The following CRYL1 variants were observed in gnomAD, a reference collection of about 807,000 sequenced individuals.
CRYL1 encodes crystallin lambda 1.
In CRYL1, 29 loss-of-function variants were observed where a neutral mutation model predicts 36.6. That is an observed-to-expected ratio of 0.79 (90% CI 0.59 to 1.08). CRYL1 has a LOEUF of 1.08. Ranked by LOEUF, CRYL1 falls within the 50% of genes least tolerant of loss-of-function variation. The pLI is 0.00. For missense variants in CRYL1, 411 were observed against 407.9 expected (o/e 1.01, Z -0.06); for synonymous variants, 152 against 151.5 (o/e 1.00, Z -0.02).
At chr13:20,461,971 AGCC>A (rs2032829645) in intron 3 of CRYL1, among the ~76,000 whole-genome samples, 1 of 106,954 alleles carries the variant, frequency 9.3e-6, no homozygotes, top group Non-Finnish European at 1.9e-5. Context: ...GTGGGAGGGC[AGCC>A]TGGGGGAGGA....
In CRYL1 at chr13:20,481,189, G is replaced by T. The variant is rs961117831; in HGVS notation, c.276+8181C>A. ...AAGGCTCGTGCTTCCAGATGATCTC[G>T]TGAGTGTGTGAGGTGGGCTTGCCCC... is the stretch of plus-strand genomic sequence containing the variant. On this transcript the variant is annotated intron_variant, in intron 3 of 7. Transcript: ENST00000298248. The surrounding 1 kb of genome is among the most constrained non-coding windows in gnomAD (Gnocchi z 4.1). Among the ~76,000 whole-genome samples, 1 of 152,154 alleles carries T rather than the reference G, an allele frequency of 6.6e-6. No homozygotes were observed. Among genetic ancestry groups the T allele is most frequent in the African/African-American group, 2.4e-5 (1 of 41,440 alleles).
intron 5 of CRYL1, among the ~76,000 whole-genome samples, chr13:20,420,242 C>T (rs1384107157): frequency 6.6e-6 from 1 of 152,212 alleles, no homozygotes; most frequent in Non-Finnish European, 1.5e-5. Context: ...CAGGAGTCAG[C>T]GCTCCGGGGA....
At chr13:20,458,213 G>A (rs2032729155) in intron 3 of CRYL1, among the ~76,000 whole-genome samples, 1 of 152,142 alleles carries the variant, frequency 6.6e-6, no homozygotes, top group African/African-American at 2.4e-5. Context: ...CACAATCATA[G>A]ACAATTCATT....
chr13:20,482,973 T>C (rs902999993), intron 3 of CRYL1, among the ~76,000 whole-genome samples: 2 of 152,118 alleles, frequency 1.3e-5, no homozygotes, highest in Non-Finnish European at 2.9e-5. Context: ...CTCACTCATG[T>C]AGGGGAGCTA....
intron 3 of CRYL1, among the ~76,000 whole-genome samples, chr13:20,440,807 G>A (rs1382030844): frequency 2.0e-5 from 3 of 152,104 alleles, no homozygotes; most frequent in Admixed American, 2.0e-4. Flanking sequence ...TACATTAATC[G>A]GGGTAGGGGA....
At chr13:20,448,705 C>A (rs376472569) in intron 3 of CRYL1, among the ~76,000 whole-genome samples, 1 of 152,104 alleles carries the variant, frequency 6.6e-6, no homozygotes, top group Admixed American at 6.6e-5. Flanking sequence ...GAATTCTATA[C>A]CCAGCAAAAA....
chr13:20,478,757 A>C (rs1420373615), intron 3 of CRYL1, among the ~76,000 whole-genome samples: 1 of 151,998 alleles, frequency 6.6e-6, no homozygotes, highest in Non-Finnish European at 1.5e-5. Context: ...GATCACAGGC[A>C]TGAGCCACCA....
intron 2 of CRYL1, among the ~76,000 whole-genome samples, chr13:20,509,771 T>C (rs1441830086): frequency 1.3e-5 from 2 of 151,898 alleles, no homozygotes; most frequent in Non-Finnish European, 2.9e-5. Context: ...CTACTAAAAA[T>C]ACAAAAAAAT....
intron 3 of CRYL1, among the ~76,000 whole-genome samples, chr13:20,450,972 A>G (rs1005163448): frequency 6.6e-6 from 1 of 151,314 alleles, no homozygotes; most frequent in Non-Finnish European, 1.5e-5. Flanking sequence ...CAGAAAACCA[A>G]ACACTGCACA....
chr13:20,406,464 G>A (rs140159241), intron 6 of CRYL1, among the ~76,000 whole-genome samples: 8 of 152,198 alleles, frequency 5.3e-5, no homozygotes, highest in African/African-American at 1.7e-4. Context: ...TGAAATTAAC[G>A]GATGGGTACT....
intron 4 of CRYL1, among the ~76,000 whole-genome samples, chr13:20,433,113 C>T (rs931133564): frequency 3.9e-5 from 6 of 152,184 alleles, no homozygotes; most frequent in African/African-American, 1.4e-4. Flanking sequence ...CTAATGTCAC[C>T]TTCCTGCTCT....
chr13:20,414,692 G>C (rs1333828087), intron 5 of CRYL1, among the ~76,000 whole-genome samples: 2 of 152,212 alleles, frequency 1.3e-5, no homozygotes, highest in Non-Finnish European at 2.9e-5. Context: ...CAAAGCAAGA[G>C]GCAAGTTGTT....
At chr13:20,456,902 C>G (rs974663870) in intron 3 of CRYL1, among the ~76,000 whole-genome samples, 4 of 152,216 alleles carry the variant, frequency 2.6e-5, no homozygotes, top group Non-Finnish European at 5.9e-5. Flanking sequence ...TACTTTGCCT[C>G]TCAGCTGCAC....
chr13:20,424,995 C>A (rs1190750670), intron 5 of CRYL1, among the ~76,000 whole-genome samples: 1 of 152,192 alleles, frequency 6.6e-6, no homozygotes, highest in African/African-American at 2.4e-5. Context: ...CCCAACTTCC[C>A]TACACACTGG....
chr13:20,431,958 A>G, intron 5 of CRYL1, 144 bp downstream of exon 5: 2 of 1,543,464 alleles, frequency 1.3e-6, no homozygotes, highest in Non-Finnish European at 1.7e-6. Context: ...TCCAGAATAG[A>G]GCAAGAAGAA....
At chr13:20,440,132 G>T (rs2032321560) in intron 3 of CRYL1, among the ~76,000 whole-genome samples, 1 of 152,220 alleles carries the variant, frequency 6.6e-6, no homozygotes, top group African/African-American at 2.4e-5. Context: ...ATGCCAGCTA[G>T]ATCGTACCCC....
intron 3 of CRYL1, among the ~76,000 whole-genome samples, chr13:20,460,718 GGTTTCACTGT>G (rs2032797885): frequency 6.6e-6 from 1 of 151,896 alleles, no homozygotes; most frequent in Admixed American, 6.6e-5. Flanking sequence ...GTAGAGATGG[GGTTTCACTGT>G]GTTAGCCAGA....
rs1446961087 is a variant in CRYL1 at position 20,425,202 on chromosome 13, G to A, written c.633+6900C>T. ...GCCAGCAGGACCCCGTCTCCTGTTG[G>A]CGGTGGCTCCGCACAGGCTTCCTCT... On this transcript the variant is annotated intron_variant, in intron 5 of 7. Coordinates refer to ENST00000298248, the MANE Select transcript of CRYL1 (RefSeq NM_015974.3). This position sits in a 1 kb window ranked among gnomAD's most constrained non-coding sequence, Gnocchi z 4.4. Among the ~76,000 whole-genome samples the A allele has an allele frequency of 1.3e-5, 2 of 152,164 alleles. No homozygotes were observed. Among genetic ancestry groups the A allele is most frequent in the Admixed American group, 1.3e-4 (2 of 15,276 alleles).
chr13:20,477,473 G>A (rs979050853), intron 3 of CRYL1, among the ~76,000 whole-genome samples: 3 of 150,754 alleles, frequency 2.0e-5, no homozygotes, highest in East Asian at 1.9e-4. Context: ...GTTGGAGAGC[G>A]GGCATGGCAT....
Sources: gnomAD v4.1 joint callset for allele counts (sites outside exome capture counted in the v4.1 genomes callset) on GRCh38, gnomAD v4.1.1 for gene constraint, Gnocchi (gnomAD v3.1) non-coding constraint, MANE v1.5 for transcripts, NCBI Gene and HGNC (gene_info 2026-07-23, HGNC 2026-07-21) for gene names.